The following OOSP1 variants were observed in gnomAD, a reference collection of about 807,000 sequenced individuals.
OOSP1 encodes putative oocyte-secreted protein 1 homolog.
OOSP1 carries 11 observed loss-of-function variants against 5.7 expected under a neutral mutation model. The observed-to-expected ratio is 1.94, with a 90% confidence interval of 1.22 to 3.20. The LOEUF (loss-of-function observed/expected upper bound fraction) is 3.20, where lower values mean the gene tolerates loss of function less well. Ranked by LOEUF, OOSP1 falls within the 30% of genes most tolerant of loss-of-function variation. The probability of loss-of-function intolerance (pLI) is 0.00; values close to 1 mark genes in which losing one functional copy is unlikely to be tolerated. For missense variants in OOSP1, 83 were observed against 54.1 expected, an observed-to-expected ratio of 1.53 and a Z score of -1.67; for synonymous variants, 44 against 20.0, an observed-to-expected ratio of 2.20 and a Z score of -3.20.
At chr11:59,956,178 C>T (rs2033621465) in intron 4 of OOSP1, among the ~76,000 whole-genome samples, 1 of 151,666 alleles carries the variant, frequency 6.6e-6, no homozygotes, top group Non-Finnish European at 1.5e-5. Flanking sequence ...TTCCTCTCCT[C>T]TCTCCTTTCC....
chr11:59,940,063 A>G (rs930559894), intron 1 of OOSP1, among the ~76,000 whole-genome samples: 9 of 152,210 alleles, frequency 5.9e-5, no homozygotes, highest in African/African-American at 2.2e-4. Flanking sequence ...TCTAAGGTTA[A>G]GATTTCGGAA....
chr11:59,949,565 A>G (rs959468917), intron 4 of OOSP1, among the ~76,000 whole-genome samples: 7 of 152,198 alleles, frequency 4.6e-5, no homozygotes, highest in Non-Finnish European at 2.9e-5. Context: ...GAACAAGGCC[A>G]GCATGATTGG....
intron 1 of OOSP1, among the ~76,000 whole-genome samples, chr11:59,939,326 A>C (rs963214006): frequency 6.6e-6 from 1 of 150,860 alleles, no homozygotes; most frequent in Non-Finnish European, 1.5e-5. Context: ...ATCTGGGCTC[A>C]CTACAGCCTC....
At chr11:59,942,964 A>C in exon 2 of OOSP1, 1 of 702,942 alleles carries the variant, frequency 1.4e-6, no homozygotes, top group South Asian at 1.5e-5. Flanking sequence ...CATGTAACCC[A>C]TGTTTTGCCA....
chr11:59,949,128 A>G (rs1853915016), intron 4 of OOSP1: 2 of 184,996 alleles, frequency 1.1e-5, no homozygotes. Context: ...AACTCTTCTC[A>G]GTTGCTGATT....
chr11:59,944,639 C>T (rs1466920598), intron 2 of OOSP1, among the ~76,000 whole-genome samples: 1 of 152,208 alleles, frequency 6.6e-6, no homozygotes, highest in Admixed American at 6.5e-5. Flanking sequence ...ACCCCACCCC[C>T]CTGAAAACAG....
chr11:59,945,099 T>C, intron 2 of OOSP1, 70 bp from the exon 3 acceptor site: 1 of 691,512 alleles, frequency 1.4e-6, no homozygotes, highest in Non-Finnish European at 2.6e-6. Context: ...TAAATTCCTA[T>C]TTAAATGCCT....
chr11:59,946,959 CTATCT>C (rs1853890957), intron 3 of OOSP1, among the ~76,000 whole-genome samples: 1 of 149,234 alleles, frequency 6.7e-6, no homozygotes, highest in African/African-American at 2.5e-5. Context: ...ATCTATCTAT[CTATCT>C]ATCTGTCTAT....
At chr11:59,944,462 G>C (rs370826716) in intron 2 of OOSP1, among the ~76,000 whole-genome samples, 2 of 152,060 alleles carry the variant, frequency 1.3e-5, no homozygotes, top group Non-Finnish European at 2.9e-5. Flanking sequence ...TATCCAATGA[G>C]AGCAGGATAT....
At chr11:59,941,176 G>A (rs1029578651) in intron 1 of OOSP1, among the ~76,000 whole-genome samples, 1 of 152,004 alleles carries the variant, frequency 6.6e-6, no homozygotes, top group Non-Finnish European at 1.5e-5. Flanking sequence ...GTAACCTTTT[G>A]GAATTGGCGT....
chr11:59,941,430 AG>A lies in OOSP1; in HGVS notation c.77-1416del, dbSNP rs545134593. 1.2e-3 allele frequency among the ~76,000 whole-genome samples: 178 copies of A among 151,562 alleles called. 1 individual carries two copies. Among genetic ancestry groups the A allele is most frequent in the African/African-American group, 4.2e-3 (172 of 41,226 alleles). ...AGTCTAGCTTTGTCGCCCAGGCTGGAGTGCAGTGGCACCATCTCGGCTCACT... is the reference window on the plus strand; with the variant it reads ...AGTCTAGCTTTGTCGCCCAGGCTGGATGCAGTGGCACCATCTCGGCTCACT... On this transcript the variant is annotated intron_variant, in intron 1 of 4. Transcript: ENST00000646685.
intron 1 of OOSP1, 84 bp from the exon 2 acceptor site, chr11:59,942,763 T>A (rs1311428380): frequency 1.6e-6 from 1 of 615,690 alleles, no homozygotes; most frequent in Non-Finnish European, 2.9e-6. Flanking sequence ...GATCTCTTCA[T>A]TTGTATTAAC....
At chr11:59,940,660 T>A (rs1333781786) in intron 1 of OOSP1, among the ~76,000 whole-genome samples, 1 of 152,206 alleles carries the variant, frequency 6.6e-6, no homozygotes, top group African/African-American at 2.4e-5. Context: ...AAATAATGTT[T>A]GTATTTGAGT....
intron 1 of OOSP1, among the ~76,000 whole-genome samples, chr11:59,940,295 A>T (rs1397900930): frequency 6.6e-6 from 1 of 152,216 alleles, no homozygotes; most frequent in Admixed American, 6.5e-5. Context: ...AATTTGCTAC[A>T]TTTGCTTACA....
Position 59,948,805 on chromosome 11 carries a change from T to C in OOSP1, c.486+943T>C, listed in dbSNP as rs143952380. 7.2e-4 allele frequency: 287 copies of C among 398,130 alleles called. 3 individuals are homozygous for C. Among genetic ancestry groups the C allele is most frequent in the African/African-American group, 4.8e-3 (235 of 48,730 alleles). 24.7% of individuals were successfully genotyped at this position (398,130 alleles called of 1,614,324 possible). A position where few individuals can be genotyped will look rare whatever the true frequency, so the allele number is the denominator to read the frequency against. ...TGATATTGAGAGGCAATTTGGAATC[T>C]CTGCCATGATTGCTTAGGACTGAGG... On this transcript the variant is annotated intron_variant, in intron 4 of 4. Transcript: ENST00000646685.
rs767629404 is a variant in OOSP1 at position 59,943,067 on chromosome 11, G to T, written c.258+39G>T. On this transcript the variant is annotated intron_variant, in intron 2 of 4. Transcript: ENST00000646685. ...ATCTTACTTAAAACCCAAGTGTCCA[G>T]GTGTGTGATGTTCCCCTTCCTGTGT... 5 of 697,214 alleles carry T rather than the reference G, an allele frequency of 7.2e-6. No homozygotes were observed. The South Asian group carries it at 7.5e-5, about 10-fold the overall frequency. 43.2% of individuals were successfully genotyped at this position (697,214 alleles called of 1,614,324 possible).
exon 5 of OOSP1, chr11:59,957,261 T>C (rs1418943646): frequency 5.0e-6 from 2 of 397,924 alleles, no homozygotes; most frequent in Non-Finnish European, 8.9e-6. Flanking sequence ...ACCAAGGCGA[T>C]GACTCATGCA....
intron 1 of OOSP1, among the ~76,000 whole-genome samples, chr11:59,940,027 A>C (rs1206002543): frequency 6.6e-6 from 1 of 152,240 alleles, no homozygotes. Context: ...GGCGTGAGCC[A>C]CTGCTTCCTG....
At chr11:59,952,376 C>T (rs1293616666) in intron 4 of OOSP1, among the ~76,000 whole-genome samples, 1 of 151,438 alleles carries the variant, frequency 6.6e-6, no homozygotes, top group Non-Finnish European at 1.5e-5. Context: ...AGATGTGGAA[C>T]CAACCTAAGT....
Sources: gnomAD v4.1 joint callset for allele counts (sites outside exome capture counted in the v4.1 genomes callset) on GRCh38, gnomAD v4.1.1 for gene constraint, MANE v1.5 for transcripts, NCBI Gene and HGNC (gene_info 2026-07-23, HGNC 2026-07-21) for gene names.